Variants in SNRPN observed in about 807,000 individuals in gnomAD.
SNRPN encodes the protein small nuclear ribonucleoprotein polypeptide N, also known as small nuclear ribonucleoprotein-associated protein N.
Under a neutral mutation model 25.2 loss-of-function variants are expected in SNRPN, and 7 were observed. The observed-to-expected ratio is 0.28, with a 90% CI of 0.16 to 0.52. The LOEUF (loss-of-function observed/expected upper bound fraction) is 0.52, where lower values mean the gene tolerates loss of function less well. Among genes scored for constraint, SNRPN ranks in the 20% least tolerant of loss-of-function variants. The pLI, the probability that SNRPN is intolerant of heterozygous loss-of-function variation, is 0.96. For synonymous variants in SNRPN, 124 were observed against 110.6 expected (o/e 1.12, Z -0.76); for missense variants, 196 against 322.5 (o/e 0.61, Z 3.00).
In SNRPN at chr15:24,978,258, C is replaced by A. The variant is rs1479506378; in HGVS notation, c.625C>A (p.Arg209=). Residue 209 remains arginine (R), a synonymous_variant, in exon 9 of 10, where the codon CGA becomes AGA. Coordinates refer to ENST00000390687, the MANE Select transcript of SNRPN (RefSeq NM_003097.6). ...MGPPIGLPPA[R]GTPIGMPPPG... Reference sequence around the variant, plus strand: ...CCCACCAATTGGGCTTCCCCCTGCTCGAGGGACGCCAATAGGCATGCCGCC... The same window carrying A: ...CCCACCAATTGGGCTTCCCCCTGCTAGAGGGACGCCAATAGGCATGCCGCC... 41 of 1,613,716 alleles carry A rather than the reference C, an allele frequency of 2.5e-5. No homozygotes were observed. The highest frequency in any genetic ancestry group is 3.4e-5 in the Non-Finnish European group (40 of 1,179,762).
chr15:24,893,004 T>A (rs965868211), intron 2 of SNRPN, among the ~76,000 whole-genome samples: 4 of 150,128 alleles, frequency 2.7e-5, no homozygotes, highest in African/African-American at 7.4e-5. Context: ...AGGTCAGGAG[T>A]TCAAGACCAG....
rs1243268488 is a variant in SNRPN, at chr15:24,918,949, CAT to C, written c.-504-1060_-504-1059del. 2.1e-5 allele frequency among the ~76,000 whole-genome samples: 2 copies of C among 95,144 alleles called. 1 individual carries two copies. The highest frequency in any genetic ancestry group is 4.0e-5 in the Non-Finnish European group (2 of 50,430). The allele number at this position is 95,144 out of a possible 152,430, so 62.4% of individuals were successfully genotyped here. On this transcript the variant is annotated intron_variant, in intron 2 of 11. Transcript: ENST00000400097. ...TATATATATGCGCACATATATATAA[CAT>C]AATATATATGCGCGCATATATATAT...
chr15:24,883,611 C>T lies in SNRPN; in HGVS notation c.-578-2905C>T, dbSNP rs7171377. Among the ~76,000 whole-genome samples the T allele has an allele frequency of 2.4e-4, 37 of 151,982 alleles. 1 individual carries two copies. The highest frequency in any genetic ancestry group is 4.1e-4 in the South Asian group (2 of 4,826). ...TTACACTCTATCATTTCAGATAAAGCCTTGAAAAATATGTGCAATTATATC... is the reference window on the plus strand; with the variant it reads ...TTACACTCTATCATTTCAGATAAAGTCTTGAAAAATATGTGCAATTATATC... On this transcript the variant is annotated intron_variant, in intron 1 of 11. Transcript: ENST00000400097.
At chr15:24,962,000 A>T in intron 1 of SNRPN, 114 bp from the exon 2 acceptor site, 1 of 938,166 alleles carries the variant, frequency 1.1e-6, no homozygotes, top group African/African-American at 1.6e-5. Flanking sequence ...ACCTTGTTTT[A>T]ATTAGATTTA....
intron 1 of SNRPN, among the ~76,000 whole-genome samples, chr15:24,865,096 G>C (rs1016119105): frequency 1.2e-4 from 18 of 150,018 alleles, no homozygotes; most frequent in Non-Finnish European, 2.4e-4. Context: ...CCCCAGGCTG[G>C]AGTGCCATGG....
At chr15:24,927,508 T>TTTTTTTTTTTTTTTTTTTTTTC (rs2060492287) in intron 3 of SNRPN, among the ~76,000 whole-genome samples, 1 of 105,786 alleles carries the variant, frequency 9.5e-6, no homozygotes, top group Non-Finnish European at 2.0e-5. Flanking sequence ...TTTTTTTTTT[T>TTTTTTTTTTTTTTTTTTTTTTC]TTTTTTTTTT....
At chr15:24,934,288 A>C (rs1402808647) in intron 3 of SNRPN, among the ~76,000 whole-genome samples, 1 of 152,128 alleles carries the variant, frequency 6.6e-6, no homozygotes, top group Non-Finnish European at 1.5e-5. Context: ...ACAGAGTGAG[A>C]CTCTGTCTCA....
intron 8 of SNRPN, 40 bp from the exon 9 acceptor site, chr15:24,978,153 C>A: frequency 6.3e-7 from 1 of 1,594,652 alleles, no homozygotes. Flanking sequence ...TTTTCTAAGC[C>A]ATTTTATGAG....
At chr15:24,846,300 A>G (rs141522830) in intron 2 of SNRPN, among the ~76,000 whole-genome samples, 1 of 152,126 alleles carries the variant, frequency 6.6e-6, no homozygotes, top group Non-Finnish European at 1.5e-5. Flanking sequence ...TCAATTTTTC[A>G]TTATCAGTAT....
chr15:24,824,454 A>G (rs2049936234), intron 1 of SNRPN, among the ~76,000 whole-genome samples: 1 of 152,100 alleles, frequency 6.6e-6, no homozygotes, highest in African/African-American at 2.4e-5. Context: ...TTGCCTTCCT[A>G]CAGAAAATCC....
chr15:24,846,084 C>CAAACAAAAAA (rs2052169311), intron 2 of SNRPN, among the ~76,000 whole-genome samples: 1 of 137,224 alleles, frequency 7.3e-6, no homozygotes. Context: ...GACTCCGTCT[C>CAAACAAAAAA]AAAAAAAAAA....
upstream of SNRPN, among the ~76,000 whole-genome samples, chr15:24,854,682 A>T (rs2053212831): frequency 6.6e-6 from 1 of 152,122 alleles, no homozygotes. Context: ...TTCATTCTTG[A>T]GGTTTCTCTT....
intron 3 of SNRPN, among the ~76,000 whole-genome samples, chr15:24,934,649 G>T (rs1224829521): frequency 6.6e-6 from 1 of 152,140 alleles, no homozygotes; most frequent in Admixed American, 6.6e-5. Flanking sequence ...ACCTCCACCC[G>T]CCGGGCTCAA....
chr15:24,935,755 A>G (rs2061183974), intron 3 of SNRPN, among the ~76,000 whole-genome samples: 1 of 152,176 alleles, frequency 6.6e-6, no homozygotes, highest in Admixed American at 6.5e-5. Flanking sequence ...GTTGAGCATA[A>G]GAAAGTCCTT....
chr15:24,978,373 C>T, intron 9 of SNRPN, 34 bp from the exon 10 acceptor site: 1 of 1,613,906 alleles, frequency 6.2e-7, no homozygotes, highest in South Asian at 1.1e-5. Context: ...ATATGTGTAT[C>T]CTCTTTTTCT....
intron 1 of SNRPN, among the ~76,000 whole-genome samples, chr15:24,868,547 C>CACTT (rs1210791903): frequency 1.3e-5 from 2 of 152,190 alleles, no homozygotes; most frequent in Non-Finnish European, 2.9e-5. Context: ...TTGCTGCCCA[C>CACTT]ACTTACAGGG....
chr15:24,921,833 G>A (rs11633230), intron 3 of SNRPN, among the ~76,000 whole-genome samples: 110,474 of 151,968 alleles, frequency 0.73, 40,269 homozygotes, highest in South Asian at 0.82. Context: ...GTCACTATCA[G>A]TTGAGTACTT....
At position 24,824,605 on chromosome 15, in the gene SNRPN, T is replaced by A. The variant is rs114624442; in HGVS notation, c.-687+755T>A. On this transcript the variant is annotated intron_variant, in intron 1 of 12. Transcript: ENST00000400100. ...TCATCTTGTAGAAAGGGAATTACAATCTTTATTTCTTCTATATCAATGAGC... is the reference window on the plus strand; with the variant it reads ...TCATCTTGTAGAAAGGGAATTACAAACTTTATTTCTTCTATATCAATGAGC... Among the ~76,000 whole-genome samples the A allele has an allele frequency of 5.4e-3, 829 of 152,242 alleles. 15 individuals are homozygous for A. The highest frequency in any genetic ancestry group is 0.019 in the African/African-American group (785 of 41,472).
chr15:24,928,797 G>A (rs1191913325), intron 3 of SNRPN, among the ~76,000 whole-genome samples: 2 of 151,794 alleles, frequency 1.3e-5, no homozygotes, highest in African/African-American at 4.8e-5. Context: ...CTATAAAGGT[G>A]GGGTCTTGCC....
Sources: allele counts gnomAD v4.1 joint callset (sites outside exome capture counted in the v4.1 genomes callset), GRCh38; gene constraint gnomAD v4.1.1; transcripts MANE v1.5; gene names NCBI Gene and HGNC (gene_info 2026-07-23, HGNC 2026-07-21).